Variants in NUBPL observed in about 807,000 individuals in gnomAD.
NUBPL encodes the protein NUBP iron-sulfur cluster assembly factor, mitochondrial.
NUBPL carries 31 observed loss-of-function variants against 45.7 expected under a neutral mutation model. That is an observed-to-expected ratio of 0.68 (90% CI 0.51 to 0.92). The LOEUF is 0.92. Ranked by LOEUF, NUBPL falls within the 40% of genes least tolerant of loss-of-function variation. The probability of loss-of-function intolerance (pLI) is 0.00; values close to 1 mark genes in which losing one functional copy is unlikely to be tolerated. For missense variants in NUBPL, 401 were observed against 398.7 expected (o/e 1.01, Z -0.05); for synonymous variants, 144 against 140.9 (o/e 1.02, Z -0.15).
At chr14:31,584,569 T>C (rs7147440) in intron 3 of NUBPL, among the ~76,000 whole-genome samples, 152,049 of 152,322 alleles carry the variant, frequency 1, 75,889 homozygotes, top group Middle Eastern at 1. Context: ...TTTCATTACT[T>C]CCAAAAGAAA....
chr14:31,562,057 AT>A lies in NUBPL; in HGVS notation c.109-5del. 6.4e-7 allele frequency: 1 copy of A among 1,559,930 alleles called. No individual in the cohort carries two copies. Among genetic ancestry groups the A allele is most frequent in the African/African-American group, 1.4e-5 (1 of 73,166 alleles). The stretch of plus-strand genomic sequence containing the variant: ...TTTAAAACGGCTTTTTATTATTATT[AT>A]TTTTTAAAGTTGTCTGGCGCCGGGA... On this transcript the variant is annotated splice_polypyrimidine_tract_variant and intron_variant, in intron 1 of 10. Coordinates refer to ENST00000281081, the MANE Select transcript of NUBPL (RefSeq NM_025152.3).
intron 4 of NUBPL, among the ~76,000 whole-genome samples, chr14:31,646,965 T>G (rs760456814): frequency 6.6e-6 from 1 of 152,194 alleles, no homozygotes; most frequent in Non-Finnish European, 1.5e-5. Flanking sequence ...ATTCTTTCCT[T>G]TGCTTGATCC....
chr14:31,830,893 C>G (rs915712222), intron 8 of NUBPL, among the ~76,000 whole-genome samples: 2 of 152,126 alleles, frequency 1.3e-5, no homozygotes, highest in African/African-American at 2.4e-5. Context: ...TTTCCACACA[C>G]CATTTTTCTC....
intron 4 of NUBPL, among the ~76,000 whole-genome samples, chr14:31,618,003 G>A (rs746795542): frequency 1.3e-5 from 2 of 152,024 alleles, no homozygotes; most frequent in African/African-American, 4.8e-5. Flanking sequence ...GTTTAGTCTT[G>A]GGAAGGTGTA....
chr14:31,833,569 A>G (rs1408713881), intron 8 of NUBPL, among the ~76,000 whole-genome samples: 1 of 152,228 alleles, frequency 6.6e-6, no homozygotes, highest in East Asian at 1.9e-4. Context: ...GTAGACCCCA[A>G]AATATATAAT....
intron 3 of NUBPL, among the ~76,000 whole-genome samples, chr14:31,566,885 G>A (rs557943372): frequency 6.6e-6 from 1 of 152,142 alleles, no homozygotes; most frequent in Non-Finnish European, 1.5e-5. Flanking sequence ...CCAGAAGCTT[G>A]AAAAGGCAAA....
At chr14:31,573,658 T>G (rs1195973789) in intron 3 of NUBPL, among the ~76,000 whole-genome samples, 1 of 152,214 alleles carries the variant, frequency 6.6e-6, no homozygotes, top group East Asian at 1.9e-4. Context: ...TTATAGACTG[T>G]GTCCTGTTAT....
rs1228284860 is a variant in NUBPL at position 31,607,725 on chromosome 14, A to C, written c.382+8346A>C. Reference sequence around the variant, plus strand: ...AAAAAAGAATGAAAAACAGTGAAGCACAACAACAGGATCTAGGAAATAGTC... The same window carrying C: ...AAAAAAGAATGAAAAACAGTGAAGCCCAACAACAGGATCTAGGAAATAGTC... On this transcript the variant is annotated intron_variant, in intron 4 of 10. Transcript: ENST00000281081. Among the ~76,000 whole-genome samples the C allele has an allele frequency of 2.0e-5, 3 of 152,254 alleles. No homozygotes were observed. The East Asian group carries it at 5.8e-4, about 30-fold the overall frequency.
intron 4 of NUBPL, among the ~76,000 whole-genome samples, chr14:31,643,242 A>T (rs998781371): frequency 6.6e-6 from 1 of 152,094 alleles, no homozygotes; most frequent in Non-Finnish European, 1.5e-5. Context: ...CAGATCTTAG[A>T]TGAAAGGTTT....
chr14:31,740,077 T>A (rs1463890723), intron 6 of NUBPL, among the ~76,000 whole-genome samples: 1 of 152,226 alleles, frequency 6.6e-6, no homozygotes, highest in African/African-American at 2.4e-5. Context: ...CTTGGTTTCT[T>A]CCAAGTTTTG....
At chr14:31,572,091 G>C (rs1220250365) in intron 3 of NUBPL, among the ~76,000 whole-genome samples, 2 of 152,010 alleles carry the variant, frequency 1.3e-5, no homozygotes, top group Non-Finnish European at 2.9e-5. Context: ...CCTAGATCCT[G>C]TGCTCTTAAC....
rs77752623 is a variant in NUBPL at position 31,717,034 on chromosome 14, C to T, written c.513+43460C>T. On this transcript the variant is annotated intron_variant, in intron 6 of 10. Coordinates refer to ENST00000281081, the MANE Select transcript of NUBPL (RefSeq NM_025152.3). ...ATCTGAGATATTCTGACTAATCTTA[C>T]TAAAATTCAGATCTCATCAAGTTAC... Among the ~76,000 whole-genome samples the T allele has an allele frequency of 7.7e-3, 1,177 of 152,306 alleles. 23 individuals carry two copies. Among genetic ancestry groups the T allele is most frequent in the African/African-American group, 0.027 (1,103 of 41,564 alleles).
At chr14:31,855,956 A>G (rs1464400813) in intron 10 of NUBPL, among the ~76,000 whole-genome samples, 3 of 152,242 alleles carry the variant, frequency 2.0e-5, no homozygotes, top group African/African-American at 7.2e-5. Context: ...GTGAAGATAA[A>G]TAACACTTGG....
intron 3 of NUBPL, among the ~76,000 whole-genome samples, chr14:31,582,716 C>G (rs1426103264): frequency 1.3e-5 from 2 of 152,020 alleles, no homozygotes; most frequent in African/African-American, 2.4e-5. Context: ...TTGTGAATAT[C>G]AATTCTTTTA....
chr14:31,851,201 T>C (rs1382490935), intron 10 of NUBPL, among the ~76,000 whole-genome samples: 1 of 152,024 alleles, frequency 6.6e-6, no homozygotes, highest in African/African-American at 2.4e-5. Context: ...TGTTCCTTTG[T>C]TGAACAGCCC....
intron 6 of NUBPL, among the ~76,000 whole-genome samples, chr14:31,706,271 G>A (rs1385499537): frequency 6.6e-6 from 1 of 152,218 alleles, no homozygotes; most frequent in Non-Finnish European, 1.5e-5. Flanking sequence ...TCCTCCAGAG[G>A]GGAGCTCTTT....
chr14:31,749,535 T>C (rs1344830883), intron 6 of NUBPL, among the ~76,000 whole-genome samples: 1 of 152,202 alleles, frequency 6.6e-6, no homozygotes, highest in Non-Finnish European at 1.5e-5. Flanking sequence ...TCTCTTCTGG[T>C]GGGTGAGCTT....
At position 31,621,701 on chromosome 14, in the gene NUBPL, G is replaced by T. The variant is rs567362282; in HGVS notation, c.382+22322G>T. 1.2e-4 allele frequency among the ~76,000 whole-genome samples: 19 copies of T among 152,328 alleles called. No homozygotes were observed. The East Asian group carries it at 2.1e-3, about 17-fold the overall frequency. ...ATCACCCGCCTTCTGCGTCGATCTC[G>T]CTGGGAGCTGCAGACTGGAGCTGTT... On this transcript the variant is annotated intron_variant, in intron 4 of 10. Coordinates refer to ENST00000281081, the MANE Select transcript of NUBPL (RefSeq NM_025152.3).
intron 4 of NUBPL, among the ~76,000 whole-genome samples, chr14:31,624,107 A>G (rs2035142434): frequency 6.6e-6 from 1 of 152,202 alleles, no homozygotes; most frequent in Non-Finnish European, 1.5e-5. Flanking sequence ...AGATGTAATA[A>G]GTCCTGATTT....
Sources: allele counts gnomAD v4.1 joint callset (sites outside exome capture counted in the v4.1 genomes callset), GRCh38; gene constraint gnomAD v4.1.1; transcripts MANE v1.5; gene names NCBI Gene and HGNC (gene_info 2026-07-23, HGNC 2026-07-21).